The following ATP2A3 variants were observed in gnomAD, a reference collection of about 807,000 sequenced individuals.
The protein encoded by ATP2A3 is ATPase sarcoplasmic/endoplasmic reticulum Ca2+ transporting 3, also known as sarcoplasmic/endoplasmic reticulum calcium ATPase 3.
A neutral mutation model predicts 106.8 loss-of-function variants in ATP2A3; 61 were observed. That is an observed-to-expected ratio of 0.57 (90% CI 0.46 to 0.71). The LOEUF (loss-of-function observed/expected upper bound fraction) is 0.71, where lower values mean the gene tolerates loss of function less well. Ranked by LOEUF, ATP2A3 falls within the 30% of genes least tolerant of loss-of-function variation. ATP2A3 has a pLI of 0.00. For missense variants in ATP2A3, 1,201 were observed against 1,423.5 expected (o/e 0.84, Z 2.52); for synonymous variants, 611 against 609.3 (o/e 1.00, Z -0.04).
intron 9 of ATP2A3, 100 bp from the exon 10 acceptor site, chr17:3,944,906 CCGCCCCCA>C: frequency 7.4e-7 from 1 of 1,354,588 alleles, no homozygotes; most frequent in Non-Finnish European, 1.0e-6. Flanking sequence ...CCTCTTGGCC[CCGCCCCCA>C]GAAGGGCTCC....
chr17:3,930,443 A>G lies in ATP2A3; in HGVS notation c.2611-9T>C, dbSNP rs536704191. ...CACTTCAGGAAGTTCCTCTGGGGGC[A>G]CCGTGGCAGGTCAGAGAGAGCGGCA... On this transcript the variant is annotated splice_polypyrimidine_tract_variant and intron_variant, in intron 17 of 20. Coordinates refer to ENST00000397041, the MANE Select transcript of ATP2A3 (RefSeq NM_005173.4). This position sits in a 1 kb window ranked among gnomAD's most constrained non-coding sequence, Gnocchi z 5.4. 1.2e-5 allele frequency: 20 copies of G among 1,613,722 alleles called. No homozygotes were observed. In the South Asian group the frequency reaches 2.2e-4, roughly 18 times the overall value.
chr17:3,950,650 A>T, intron 6 of ATP2A3, 43 bp downstream of exon 6: 1 of 1,613,478 alleles, frequency 6.2e-7, no homozygotes, highest in Non-Finnish European at 8.5e-7. Flanking sequence ...CCCATCCCTT[A>T]GTCCTGGCCC....
At chr17:3,948,775 C>G (rs1443278115) in intron 7 of ATP2A3, among the ~76,000 whole-genome samples, 3 of 152,068 alleles carry the variant, frequency 2.0e-5, no homozygotes, top group African/African-American at 7.2e-5. Context: ...CTCAGAGCTT[C>G]CCTCCCCACC....
Position 3,937,420 on chromosome 17 carries a change from C to G in ATP2A3, c.2317G>C (p.Val773Leu). 1 of 1,612,592 alleles carries G rather than the reference C, an allele frequency of 6.2e-7. No homozygotes were observed. The highest frequency in any genetic ancestry group is 8.5e-7 in the Non-Finnish European group (1 of 1,179,038). The change falls in exon 15 of 21, where the codon GTC (valine) becomes CTC (leucine). Residue 773 changes from valine to leucine, a missense_variant. Physicochemically the swap from Val to Leu is conservative, Grantham distance 32 (BLOSUM62 1). Transcript: ENST00000397041. ...GGAGGGAAGGCCCGGCCTCACCAGACGACCTCGCCAACATTGGAGGAGATG... is the reference window on the plus strand; with the variant it reads ...GGAGGGAAGGCCCGGCCTCACCAGAGGACCTCGCCAACATTGGAGGAGATG... ...YLISSNVGEV[V>L]CIFLTAILGL...
rs183496663 is a variant in ATP2A3 at position 3,947,493 on chromosome 17, G to A, written c.993C>T (p.Ala331=). The change falls in exon 8 of 21, where the codon GCC becomes GCT. Residue 331 remains alanine (A), a synonymous_variant. Coordinates refer to ENST00000397041, the MANE Select transcript of ATP2A3 (RefSeq NM_005173.4). This position sits in a 1 kb window ranked among gnomAD's most constrained non-coding sequence, Gnocchi z 7.7. ...LGTRRMARKN[A]IVRSLPSVET... is the part of the protein sequence containing the mutation. ...CCACGGACGGCAGGCTTCGCACGAT[G>A]GCGTTCTTGCGTGCCATGCGCCGCG... 190 of 1,613,658 alleles carry A rather than the reference G, an allele frequency of 1.2e-4. 1 individual carries two copies. The East Asian group carries it at 2.1e-3, about 18-fold the overall frequency.
intron 14 of ATP2A3, 98 bp downstream of exon 14, chr17:3,940,873 T>C: frequency 7.3e-7 from 1 of 1,374,116 alleles, no homozygotes; most frequent in Non-Finnish European, 1.0e-6. Flanking sequence ...TTAGAAAAGG[T>C]AAGAATGAGG....
Position 3,929,512 on chromosome 17 carries a change from A to G in ATP2A3, c.2745-67T>C. ...GAGGCCCTGCCAGGCACCCACCCCCATGGGAGGAGCCTCACCACTTCTCTA... is the reference window on the plus strand; with the variant it reads ...GAGGCCCTGCCAGGCACCCACCCCCGTGGGAGGAGCCTCACCACTTCTCTA... On this transcript the variant is annotated intron_variant, in intron 18 of 20. Coordinates refer to ENST00000397041, the MANE Select transcript of ATP2A3 (RefSeq NM_005173.4). This position sits in a 1 kb window ranked among gnomAD's most constrained non-coding sequence, Gnocchi z 4.3. 7.4e-7 allele frequency: 1 copy of G among 1,342,664 alleles called. No individual in the cohort carries two copies. Among genetic ancestry groups the G allele is most frequent in the Non-Finnish European group, 1.0e-6 (1 of 962,662 alleles). 83.2% of individuals were successfully genotyped at this position (1,342,664 alleles called of 1,614,324 possible). A position where few individuals can be genotyped will look rare whatever the true frequency, so the allele number is the denominator to read the frequency against.
chr17:3,950,700 G>A lies in ATP2A3; in HGVS notation c.537C>T (p.Ile179=). 6.2e-7 allele frequency: 1 copy of A among 1,614,008 alleles called. No homozygotes were observed. The highest frequency in any genetic ancestry group is 2.2e-5 in the East Asian group (1 of 44,880). Residue 179 remains isoleucine (I), a synonymous_variant, in exon 6 of 21, where the codon ATC becomes ATT. Coordinates refer to ENST00000397041, the MANE Select transcript of ATP2A3 (RefSeq NM_005173.4). ...KSTTLRVDQS[I]LTGESVSVTK... ...TCCTGGGGGGGGCCTCACCCGTCAG[G>A]ATGGACTGGTCCACTCGCAGCGTGG...
intron 12 of ATP2A3, 126 bp from the exon 13 acceptor site, chr17:3,941,780 C>A: frequency 2.1e-6 from 2 of 967,696 alleles, no homozygotes; most frequent in Non-Finnish European, 1.6e-6. Flanking sequence ...ACACGCAAGG[C>A]AGGGAGCAGA....
In ATP2A3 at chr17:3,941,110, G is replaced by A. The variant is rs776362490; in HGVS notation, c.1961C>T (p.Thr654Met). The A allele has an allele frequency of 2.7e-5, 44 of 1,613,880 alleles. No individual in the cohort carries two copies. The highest frequency in any genetic ancestry group is 3.3e-5 in the Non-Finnish European group (39 of 1,179,976). Residue 654 changes from threonine (T) to methionine (M), a missense_variant, in exon 14 of 21, where the codon ACG becomes ATG. Around this residue, in one of 2 missense-constraint regions of ATP2A3, gnomAD observed 935 missense variants for 1,176.7 expected, o/e 0.79. Coordinates refer to ENST00000397041, the MANE Select transcript of ATP2A3 (RefSeq NM_005173.4). ...DTEDVAGKAY[T>M]GREFDDLSPE... is the part of the protein sequence containing the mutation. ...GCTGAGGTCATCAAACTCGCGGCCCGTGTAGGCCTTGCCCGCCACGTCTTC... is the reference window on the plus strand; with the variant it reads ...GCTGAGGTCATCAAACTCGCGGCCCATGTAGGCCTTGCCCGCCACGTCTTC...
In ATP2A3 at chr17:3,924,585, C is replaced by T. The variant is rs974033673; in HGVS notation, c.*837G>A. The T allele has an allele frequency of 2.0e-5, 7 of 351,504 alleles. No homozygotes were observed. Among genetic ancestry groups the T allele is most frequent in the African/African-American group, 4.3e-5 (2 of 46,364 alleles). 21.8% of individuals were successfully genotyped at this position (351,504 alleles called of 1,614,324 possible). On this transcript the variant is annotated 3_prime_UTR_variant, in exon 21 of 21. Coordinates refer to ENST00000397041, the MANE Select transcript of ATP2A3 (RefSeq NM_005173.4). This position sits in a 1 kb window ranked among gnomAD's most constrained non-coding sequence, Gnocchi z 6.4. ...TCGGTGGTCTCAGGTACCAGGGACG[C>T]GGGTGGCAAGTTGGACCTCTGCGTG... is the stretch of plus-strand genomic sequence containing the variant.
chr17:3,927,536 C>T, intron 20 of ATP2A3: 1 of 985,438 alleles, frequency 1.0e-6, no homozygotes, highest in Non-Finnish European at 1.2e-6. Context: ...CGGCCCGGTG[C>T]TCCGGCCAGT....
chr17:3,925,141 C>T lies in ATP2A3; in HGVS notation c.*281G>A, dbSNP rs41283379. 1.7e-6 allele frequency: 1 copy of T among 590,376 alleles called. No individual in the cohort carries two copies. Among genetic ancestry groups the T allele is most frequent in the African/African-American group, 1.9e-5 (1 of 53,696 alleles). The allele number at this position is 590,376 out of a possible 1,614,324, so 36.6% of individuals were successfully genotyped here. A position where few individuals can be genotyped will look rare whatever the true frequency, so the allele number is the denominator to read the frequency against. ...GCCAGCTCCGGCTTCTTGGCTGCCC[C>T]CTCCCAGCCTGCAGCTCCTGGGCCA... On this transcript the variant is annotated 3_prime_UTR_variant, in exon 21 of 21. Transcript: ENST00000397041. This position sits in a 1 kb window ranked among gnomAD's most constrained non-coding sequence, Gnocchi z 4.2.
Position 3,924,657 on chromosome 17 carries a change from C to CA in ATP2A3, c.*764_*765insT, listed in dbSNP as rs2052609028. ...CTCTGAACATCTCCCGAGCTCAGGA[C>CA]GGGGAACCCTGAGTCCAGGAGGCGC... On this transcript the variant is annotated 3_prime_UTR_variant, in exon 21 of 21. Coordinates refer to ENST00000397041, the MANE Select transcript of ATP2A3 (RefSeq NM_005173.4). This position sits in a 1 kb window ranked among gnomAD's most constrained non-coding sequence, Gnocchi z 6.4. 9 of 370,024 alleles carry CA rather than the reference C, an allele frequency of 2.4e-5. No homozygotes were observed. The highest frequency in any genetic ancestry group is 1.9e-4 in the South Asian group (9 of 47,492). 22.9% of individuals were successfully genotyped at this position (370,024 alleles called of 1,614,324 possible). A position where few individuals can be genotyped will look rare whatever the true frequency, so the allele number is the denominator to read the frequency against.
chr17:3,952,084 C>A (rs779170529), intron 3 of ATP2A3, among the ~76,000 whole-genome samples: 53 of 152,178 alleles, frequency 3.5e-4, no homozygotes, highest in Non-Finnish European at 6.2e-4. Context: ...TGTGTGTCGG[C>A]AAGCCTACGG....
intron 7 of ATP2A3, 82 bp downstream of exon 7, chr17:3,950,429 G>T (rs558378340): frequency 6.8e-7 from 1 of 1,471,752 alleles, no homozygotes; most frequent in African/African-American, 1.4e-5. Context: ...CTCCCAAAGT[G>T]CTGGGATTAC....
rs74575096 is a variant in ATP2A3, at chr17:3,949,324, T to C, written c.630+1187A>G. ...CTGCGGGGCAGCTGTGAGTATCACTTGCTAGCTTTCTCTGAGGCCACAGAG... is the reference window on the plus strand; with the variant it reads ...CTGCGGGGCAGCTGTGAGTATCACTCGCTAGCTTTCTCTGAGGCCACAGAG... On this transcript the variant is annotated intron_variant, in intron 7 of 20. Transcript: ENST00000397041. 2.3e-3 allele frequency among the ~76,000 whole-genome samples: 352 copies of C among 152,240 alleles called. 1 individual carries two copies. The highest frequency in any genetic ancestry group is 8.3e-3 in the African/African-American group (344 of 41,536).
chr17:3,936,339 C>T lies in ATP2A3; in HGVS notation c.2452G>A (p.Glu818Lys). The T allele has an allele frequency of 6.2e-7, 1 of 1,614,128 alleles. No individual in the cohort carries two copies. The highest frequency in any genetic ancestry group is 8.5e-7 in the Non-Finnish European group (1 of 1,180,038). ...GFNPPDLDIM[E>K]KLPRSPREAL... is the part of the protein sequence containing the mutation. ...TCTCGGGGGCTCCGGGGCAGCTTCT[C>T]CATGATGTCCAGGTCTGGCGGGTTG... The change falls in exon 16 of 21, where the codon GAG (glutamate) becomes AAG (lysine). Residue 818 changes from glutamate (E) to lysine (K), a missense_variant. Coordinates refer to ENST00000397041, the MANE Select transcript of ATP2A3 (RefSeq NM_005173.4). This position sits in a 1 kb window ranked among gnomAD's most constrained non-coding sequence, Gnocchi z 5.4.
chr17:3,925,286 C>T lies in ATP2A3; in HGVS notation c.*136G>A. The T allele has an allele frequency of 2.0e-6, 3 of 1,495,394 alleles. No individual in the cohort carries two copies. Among genetic ancestry groups the T allele is most frequent in the Non-Finnish European group, 2.8e-6 (3 of 1,088,412 alleles). 92.6% of individuals were successfully genotyped at this position (1,495,394 alleles called of 1,614,324 possible). On this transcript the variant is annotated 3_prime_UTR_variant, in exon 21 of 21. Coordinates refer to ENST00000397041, the MANE Select transcript of ATP2A3 (RefSeq NM_005173.4). The surrounding 1 kb of genome is among the most constrained non-coding windows in gnomAD (Gnocchi z 4.2). Reference sequence around the variant, plus strand: ...GGGGCCCGGGGATGGCCATTCTGACCTCGGGCCTGTCATTTATCCGGCGGG... The same window carrying T: ...GGGGCCCGGGGATGGCCATTCTGACTTCGGGCCTGTCATTTATCCGGCGGG...
Sources: allele counts gnomAD v4.1 joint callset (sites outside exome capture counted in the v4.1 genomes callset), GRCh38; gene constraint gnomAD v4.1.1; regional missense constraint gnomAD v4.1.1; non-coding constraint Gnocchi (gnomAD v3.1); transcripts MANE v1.5; gene names NCBI Gene and HGNC (gene_info 2026-07-23, HGNC 2026-07-21).